LRRC4C: variants seen among roughly 807,000 people sequenced by gnomAD.
LRRC4C encodes the protein leucine-rich repeat-containing protein 4C.
LRRC4C carries 5 observed loss-of-function variants against 33.6 expected under a neutral mutation model. That is an observed-to-expected ratio of 0.15 (90% CI 0.08 to 0.31). LRRC4C has a LOEUF of 0.31. Ranked by LOEUF, LRRC4C falls within the 10% of genes least tolerant of loss-of-function variation. The probability of loss-of-function intolerance (pLI) is 1.00; values close to 1 mark genes in which losing one functional copy is unlikely to be tolerated. For synonymous variants in LRRC4C, 329 were observed against 302.0 expected, an observed-to-expected ratio of 1.09 and a Z score of -0.93; for missense variants, 560 against 796.7, an observed-to-expected ratio of 0.70 and a Z score of 3.58.
At chr11:40,651,209 A>T (rs2136148508) in intron 2 of LRRC4C, among the ~76,000 whole-genome samples, 1 of 152,284 alleles carries the variant, frequency 6.6e-6, no homozygotes, top group Admixed American at 6.5e-5. Flanking sequence ...CTTAGTTTTG[A>T]TCAGTGTCAT....
At chr11:40,206,761 T>C (rs1863186911) in intron 5 of LRRC4C, among the ~76,000 whole-genome samples, 1 of 152,032 alleles carries the variant, frequency 6.6e-6, no homozygotes, top group South Asian at 2.1e-4. Flanking sequence ...GGATTTAGTA[T>C]GTGAATGTAC....
intron 3 of LRRC4C, among the ~76,000 whole-genome samples, chr11:40,413,111 G>A (rs142923265): frequency 6.6e-6 from 1 of 152,062 alleles, no homozygotes; most frequent in African/African-American, 2.4e-5. Context: ...TAATTGCCTT[G>A]GAGGAACTTG....
chr11:40,582,513 GTTTTTT>G (rs35497785), intron 3 of LRRC4C, among the ~76,000 whole-genome samples: 16 of 115,586 alleles, frequency 1.4e-4, no homozygotes, highest in African/African-American at 4.5e-4. Context: ...CCCTTGTTCA[GTTTTTT>G]TTTTTTTTTT....
At chr11:40,366,221 G>T (rs1048506304) in intron 3 of LRRC4C, among the ~76,000 whole-genome samples, 3 of 152,048 alleles carry the variant, frequency 2.0e-5, no homozygotes, top group African/African-American at 7.2e-5. Flanking sequence ...TATAACATAT[G>T]CTTTCTACCT....
At chr11:40,219,627 A>C (rs1483523735) in intron 5 of LRRC4C, among the ~76,000 whole-genome samples, 1 of 152,180 alleles carries the variant, frequency 6.6e-6, no homozygotes, top group Non-Finnish European at 1.5e-5. Context: ...CAGTGAAATA[A>C]GCCAGACACA....
intron 4 of LRRC4C, among the ~76,000 whole-genome samples, chr11:40,262,381 G>T (rs1396836474): frequency 1.3e-5 from 2 of 152,184 alleles, no homozygotes. Flanking sequence ...TCCACTGTTG[G>T]TGGGAGTGCA....
intron 2 of LRRC4C, among the ~76,000 whole-genome samples, chr11:40,816,945 T>C (rs910929857): frequency 1.3e-5 from 2 of 152,148 alleles, no homozygotes; most frequent in Non-Finnish European, 2.9e-5. Flanking sequence ...ATCTATAACG[T>C]AAAGACAGGT....
chr11:40,744,812 G>A (rs1053962354), intron 2 of LRRC4C, among the ~76,000 whole-genome samples: 12 of 152,052 alleles, frequency 7.9e-5, no homozygotes, highest in African/African-American at 2.9e-4. Flanking sequence ...CCATTTGGCT[G>A]TATTGTCTAC....
At chr11:40,819,885 A>C (rs1233315638) in intron 2 of LRRC4C, among the ~76,000 whole-genome samples, 1 of 152,078 alleles carries the variant, frequency 6.6e-6, no homozygotes, top group African/African-American at 2.4e-5. Context: ...AGTTAAAAGT[A>C]AAATCAAGAA....
At position 40,115,334 on chromosome 11, in the gene LRRC4C, G is replaced by A. The variant is rs772857823; in HGVS notation, c.959C>T (p.Ala320Val). ...LWLSWWIKDM[A>V]PSNTACCARC... is the part of the protein sequence containing the mutation. ...GGCACAACAAGCTGTGTTCGAGGGG[G>A]CCATGTCTTTTATCCACCAGCTGAG... Residue 320 changes from alanine (A) to valine (V), a missense_variant, in exon 7 of 7, where the codon GCC (alanine) becomes GTC (valine). Ala to Val is a moderately conservative substitution (Grantham distance 64). Transcript: ENST00000528697. This position sits in a 1 kb window ranked among gnomAD's most constrained non-coding sequence, Gnocchi z 6.7. The A allele has an allele frequency of 6.2e-7, 1 of 1,614,146 alleles. No individual in the cohort carries two copies. The highest frequency in any genetic ancestry group is 8.5e-7 in the Non-Finnish European group (1 of 1,180,024).
intron 6 of LRRC4C, among the ~76,000 whole-genome samples, chr11:40,127,330 G>A (rs1028112574): frequency 6.6e-6 from 1 of 151,954 alleles, no homozygotes; most frequent in Admixed American, 6.6e-5. Flanking sequence ...GTCTTTAAAG[G>A]AATATAGATT....
chr11:41,164,240 A>T (rs1944620098), intron 1 of LRRC4C, among the ~76,000 whole-genome samples: 1 of 146,214 alleles, frequency 6.8e-6, no homozygotes, highest in South Asian at 2.2e-4. Flanking sequence ...GACACTACAC[A>T]TACAATATTA....
chr11:40,602,191 C>A, intron 3 of LRRC4C, among the ~76,000 whole-genome samples: 1 of 94,496 alleles, frequency 1.1e-5, no homozygotes, highest in Non-Finnish European at 2.3e-5. Context: ...GAGAATCTGT[C>A]TCAAAAAAAA....
At chr11:40,569,410 C>CA (rs1032178551) in intron 3 of LRRC4C, among the ~76,000 whole-genome samples, 3 of 152,086 alleles carry the variant, frequency 2.0e-5, no homozygotes, top group African/African-American at 7.2e-5. Context: ...TACAGACTTG[C>CA]AAAACCAGAG....
At chr11:40,262,841 G>T (rs1454499755) in intron 4 of LRRC4C, among the ~76,000 whole-genome samples, 1 of 152,078 alleles carries the variant, frequency 6.6e-6, no homozygotes, top group Non-Finnish European at 1.5e-5. Flanking sequence ...GGGAGTAGGG[G>T]GCTAGGGAAG....
intron 3 of LRRC4C, among the ~76,000 whole-genome samples, chr11:40,374,598 ATT>A (rs1405353000): frequency 6.6e-6 from 1 of 152,166 alleles, no homozygotes; most frequent in African/African-American, 2.4e-5. Flanking sequence ...ATTTTTTCAC[ATT>A]CTCATAGTAT....
chr11:40,222,794 A>G (rs1378935535), intron 5 of LRRC4C, among the ~76,000 whole-genome samples: 1 of 152,206 alleles, frequency 6.6e-6, no homozygotes, highest in African/African-American at 2.4e-5. Context: ...ATGCAGGCTT[A>G]GAGTGGGAAA....
intron 1 of LRRC4C, among the ~76,000 whole-genome samples, chr11:41,167,436 A>T (rs1944780390): frequency 6.6e-6 from 1 of 152,124 alleles, no homozygotes; most frequent in East Asian, 1.9e-4. Context: ...AGCACATTTT[A>T]TTATCAAAAA....
chr11:40,864,816 T>C (rs1565148109), intron 2 of LRRC4C, among the ~76,000 whole-genome samples: 1 of 152,220 alleles, frequency 6.6e-6, no homozygotes, highest in Non-Finnish European at 1.5e-5. Flanking sequence ...TGTCAGCTTT[T>C]CAACAAATTT....
Sources: gnomAD v4.1 joint callset for allele counts (sites outside exome capture counted in the v4.1 genomes callset) on GRCh38, gnomAD v4.1.1 for gene constraint, Gnocchi (gnomAD v3.1) non-coding constraint, MANE v1.5 for transcripts, NCBI Gene and HGNC (gene_info 2026-07-23, HGNC 2026-07-21) for gene names.